CREBRF: variants seen among roughly 807,000 people sequenced by gnomAD.
The protein encoded by CREBRF is UPF0474 protein C5orf41.
A neutral mutation model predicts 66.1 loss-of-function variants in CREBRF; 5 were observed. The ratio of observed to expected loss-of-function variants is 0.08; its 90% CI spans 0.04 to 0.16. CREBRF has a LOEUF of 0.16. Ranked by LOEUF, CREBRF falls within the 10% of genes least tolerant of loss-of-function variation. The probability of loss-of-function intolerance (pLI) is 1.00; values close to 1 mark genes in which losing one functional copy is unlikely to be tolerated. For synonymous variants in CREBRF, 229 were observed against 264.4 expected (o/e 0.87, Z 1.30); for missense variants, 531 against 744.9 (o/e 0.71, Z 3.34).
In CREBRF at chr5:173,062,545, G is replaced by T. The variant is rs541041833; in HGVS notation, c.-192+6066G>T. 1.8e-4 allele frequency among the ~76,000 whole-genome samples: 28 copies of T among 151,842 alleles called. 1 individual carries two copies. The highest frequency in any genetic ancestry group is 6.5e-4 in the African/African-American group (27 of 41,418). Reference sequence around the variant, plus strand: ...GTTTAAAAATCTCTTTAGTTCCTTTGTTAATTTGTTTTCAGATGAACTCCA... The same window carrying T: ...GTTTAAAAATCTCTTTAGTTCCTTTTTTAATTTGTTTTCAGATGAACTCCA... On this transcript the variant is annotated intron_variant, in intron 1 of 8. Coordinates refer to ENST00000296953, the MANE Select transcript of CREBRF (RefSeq NM_153607.3).
chr5:173,131,140 C>A (rs754963093), intron 8 of CREBRF, among the ~76,000 whole-genome samples: 5 of 152,206 alleles, frequency 3.3e-5, no homozygotes, highest in Non-Finnish European at 7.3e-5. Flanking sequence ...CCAGCCCTCA[C>A]CAGTTGTTAA....
At chr5:173,063,963 C>T (rs914029613) in intron 1 of CREBRF, among the ~76,000 whole-genome samples, 25 of 152,224 alleles carry the variant, frequency 1.6e-4, no homozygotes, top group Middle Eastern at 3.4e-3. Flanking sequence ...CTCAAGCGAT[C>T]TGCCTGCCTT....
chr5:173,083,453 G>A (rs939632570), intron 2 of CREBRF, among the ~76,000 whole-genome samples: 1 of 152,156 alleles, frequency 6.6e-6, no homozygotes, highest in Non-Finnish European at 1.5e-5. Context: ...TTATGGAATG[G>A]ACTGTGCCCT....
Position 173,137,111 on chromosome 5 carries a change from A to G in CREBRF, c.*3366A>G, listed in dbSNP as rs1280867120. The G allele has an allele frequency of 6.6e-6, 1 of 152,032 alleles. No homozygotes were observed. Among genetic ancestry groups the G allele is most frequent in the Non-Finnish European group, 1.5e-5 (1 of 67,922 alleles). The allele number at this position is 152,032 out of a possible 1,614,324, so 9.4% of individuals were successfully genotyped here. On this transcript the variant is annotated 3_prime_UTR_variant, in exon 9 of 9. Coordinates refer to ENST00000296953, the MANE Select transcript of CREBRF (RefSeq NM_153607.3). ...ATTGGGTGCCACACTTTTCCAGTCAATATAATTGCTTGTTCTACTGTACCA... is the reference window on the plus strand; with the variant it reads ...ATTGGGTGCCACACTTTTCCAGTCAGTATAATTGCTTGTTCTACTGTACCA...
chr5:173,084,457 T>C (rs1330662893), intron 2 of CREBRF, among the ~76,000 whole-genome samples: 1 of 152,048 alleles, frequency 6.6e-6, no homozygotes, highest in Non-Finnish European at 1.5e-5. Context: ...AATAATAAAG[T>C]TTTAAAACAA....
intron 1 of CREBRF, among the ~76,000 whole-genome samples, chr5:173,074,692 A>G (rs1225489954): frequency 6.6e-6 from 1 of 151,956 alleles, no homozygotes; most frequent in African/African-American, 2.4e-5. Context: ...GCATGATCTC[A>G]GCTCACTGCA....
At chr5:173,102,452 C>T (rs1758649501) in intron 4 of CREBRF, among the ~76,000 whole-genome samples, 1 of 151,954 alleles carries the variant, frequency 6.6e-6, no homozygotes, top group Non-Finnish European at 1.5e-5. Context: ...TCCTGGAGTC[C>T]TTGGGTAGGC....
In CREBRF at chr5:173,134,842, C is replaced by A. The variant is rs1450420424; in HGVS notation, c.*1097C>A. The A allele has an allele frequency of 1.3e-5, 2 of 152,458 alleles. No individual in the cohort carries two copies. Among genetic ancestry groups the A allele is most frequent in the Non-Finnish European group, 2.9e-5 (2 of 67,960 alleles). 9.4% of individuals were successfully genotyped at this position (152,458 alleles called of 1,614,324 possible). On this transcript the variant is annotated 3_prime_UTR_variant, in exon 9 of 9. Coordinates refer to ENST00000296953, the MANE Select transcript of CREBRF (RefSeq NM_153607.3). ...GTCCAATTATCTACAGAAGGAGCAT[C>A]CATACATACAAATATTATTTTGCTG...
At chr5:173,082,547 T>C (rs1757987616) in intron 2 of CREBRF, among the ~76,000 whole-genome samples, 1 of 147,722 alleles carries the variant, frequency 6.8e-6, no homozygotes, top group Non-Finnish European at 1.5e-5. Context: ...AATAAGCAAA[T>C]AGATTAATAC....
rs1758322131 is a variant in CREBRF, at chr5:173,091,136, T to C, written c.957T>C (p.Leu319=). The C allele has an allele frequency of 1.2e-6, 2 of 1,614,228 alleles. No homozygotes were observed. Among genetic ancestry groups the C allele is most frequent in the Non-Finnish European group, 1.7e-6 (2 of 1,180,050 alleles). ...TTGCAGCAGGAGAGAGCAGCAGTCTTTCTGCCAGTACATCAGTCTCAGATT... is the reference window on the plus strand; with the variant it reads ...TTGCAGCAGGAGAGAGCAGCAGTCTCTCTGCCAGTACATCAGTCTCAGATT... ...GSLAAGESSS[L]SASTSVSDSS... The change falls in exon 4 of 9, where the codon CTT becomes CTC. Residue 319 remains leucine (L), a synonymous_variant. Transcript: ENST00000296953.
Position 173,133,880 on chromosome 5 carries a change from G to A in CREBRF, c.*135G>A. 1.9e-6 allele frequency: 1 copy of A among 520,582 alleles called. No homozygotes were observed. Among genetic ancestry groups the A allele is most frequent in the Non-Finnish European group, 3.5e-6 (1 of 289,828 alleles). The allele number at this position is 520,582 out of a possible 1,614,324, so 32.2% of individuals were successfully genotyped here. A position where few individuals can be genotyped will look rare whatever the true frequency, so the allele number is the denominator to read the frequency against. On this transcript the variant is annotated 3_prime_UTR_variant, in exon 9 of 9. Transcript: ENST00000296953. ...TAGGTTACATTGTTTTAAGAACTAA[G>A]TAGCATAAGTGAAGCATGATCCAAA...
At chr5:173,089,750 C>G (rs1758273872) in intron 3 of CREBRF, among the ~76,000 whole-genome samples, 1 of 151,982 alleles carries the variant, frequency 6.6e-6, no homozygotes, top group Admixed American at 6.6e-5. Flanking sequence ...TAAGGTCTTG[C>G]AAAAGATCTT....
intron 1 of CREBRF, among the ~76,000 whole-genome samples, chr5:173,077,681 A>G (rs912774770): frequency 4.6e-5 from 7 of 152,156 alleles, no homozygotes; most frequent in African/African-American, 1.4e-4. Context: ...GGTGTGAGCT[A>G]CCACCCCCAG....
chr5:173,109,592 G>A (rs1758827379), intron 5 of CREBRF: 1 of 152,108 alleles, frequency 6.6e-6, no homozygotes, highest in South Asian at 2.1e-4. Flanking sequence ...TTAATCCATA[G>A]TTTCTAGTTC....
At position 173,066,929 on chromosome 5, in the gene CREBRF, C is replaced by A. The variant is rs75375997; in HGVS notation, c.-192+10450C>A. Among the ~76,000 whole-genome samples, 1,243 of 149,472 alleles carry A rather than the reference C, an allele frequency of 8.3e-3. 24 individuals are homozygous for A. The highest frequency in any genetic ancestry group is 0.029 in the African/African-American group (1,183 of 40,556). Reference sequence around the variant, plus strand: ...TCCTGGGCTAGAGTGATCCTCCTTCCTCAGCCTCACGAGTGTCTGGGACTA... The same window carrying A: ...TCCTGGGCTAGAGTGATCCTCCTTCATCAGCCTCACGAGTGTCTGGGACTA... On this transcript the variant is annotated intron_variant, in intron 1 of 8. Coordinates refer to ENST00000296953, the MANE Select transcript of CREBRF (RefSeq NM_153607.3).
intron 2 of CREBRF, 46 bp from the exon 3 acceptor site, chr5:173,086,455 T>C: frequency 1.3e-6 from 2 of 1,596,894 alleles, no homozygotes; most frequent in African/African-American, 1.3e-5. Flanking sequence ...TAAATTGGTC[T>C]CAAAGTAGTC....
At chr5:173,117,521 TCCCCTC>T (rs1561814531) in intron 7 of CREBRF, among the ~76,000 whole-genome samples, 1 of 53,968 alleles carries the variant, frequency 1.9e-5, no homozygotes, top group African/African-American at 7.5e-5. Flanking sequence ...TTCCCTTCCC[TCCCCTC>T]CCCTCTCCTC....
At chr5:173,098,189 CT>C (rs1272404813) in intron 4 of CREBRF, among the ~76,000 whole-genome samples, 251 of 139,994 alleles carry the variant, frequency 1.8e-3, no homozygotes, top group Middle Eastern at 3.6e-3. Context: ...AATTTTCCTT[CT>C]TTTTTTTTTT....
rs919651973 is a variant in CREBRF, at chr5:173,139,204, T to G, written c.*5459T>G. On this transcript the variant is annotated 3_prime_UTR_variant, in exon 9 of 9. Coordinates refer to ENST00000296953, the MANE Select transcript of CREBRF (RefSeq NM_153607.3). ...TTGTTTTCTGTCACCTTCCAACCCCTGAGCACTTCTAGTCAGATACAGATT... is the reference window on the plus strand; with the variant it reads ...TTGTTTTCTGTCACCTTCCAACCCCGGAGCACTTCTAGTCAGATACAGATT... 1.3e-5 allele frequency: 2 copies of G among 152,242 alleles called. No individual in the cohort carries two copies. The highest frequency in any genetic ancestry group is 2.9e-5 in the Non-Finnish European group (2 of 68,034). 9.4% of individuals were successfully genotyped at this position (152,242 alleles called of 1,614,324 possible).
Sources: allele counts gnomAD v4.1 joint callset (sites outside exome capture counted in the v4.1 genomes callset), GRCh38; gene constraint gnomAD v4.1.1; transcripts MANE v1.5; gene names NCBI Gene and HGNC (gene_info 2026-07-23, HGNC 2026-07-21).